The following LAMC1 variants were observed in gnomAD, a reference collection of about 807,000 sequenced individuals.
LAMC1 encodes laminin subunit gamma-1.
A neutral mutation model predicts 173.6 loss-of-function variants in LAMC1; 38 were observed. That is an observed-to-expected ratio of 0.22 (90% CI 0.17 to 0.29). LAMC1 has a LOEUF of 0.29. LAMC1 is among the 10% of genes least tolerant of loss of function. The probability of loss-of-function intolerance (pLI) is 1.00; values close to 1 mark genes in which losing one functional copy is unlikely to be tolerated. For synonymous variants in LAMC1, 746 were observed against 749.1 expected (o/e 1.00, Z 0.07); for missense variants, 1,824 against 2,051.8 (o/e 0.89, Z 2.14).
intron 1 of LAMC1, among the ~76,000 whole-genome samples, chr1:183,050,281 C>CTTTTTTT (rs892649686): frequency 8.7e-6 from 1 of 115,518 alleles, no homozygotes; most frequent in African/African-American, 3.4e-5. Context: ...TTCTCAGATT[C>CTTTTTTT]TTTTTTTTTT....
intron 26 of LAMC1, chr1:183,138,529 C>T (rs1407749716): frequency 6.6e-6 from 1 of 152,108 alleles, no homozygotes; most frequent in Non-Finnish European, 1.5e-5. Flanking sequence ...AAGAAGAGGC[C>T]GTCGTTCACT....
chr1:183,139,752 CT>C (rs1657053800), intron 26 of LAMC1, among the ~76,000 whole-genome samples: 1 of 152,184 alleles, frequency 6.6e-6, no homozygotes, highest in Non-Finnish European at 1.5e-5. Flanking sequence ...TTGCTGTTTC[CT>C]ATGACTCATG....
At chr1:183,050,256 A>ATGTT (rs1654380289) in intron 1 of LAMC1, among the ~76,000 whole-genome samples, 1 of 144,928 alleles carries the variant, frequency 6.9e-6, no homozygotes, top group Non-Finnish European at 1.5e-5. Context: ...CACTTTATCA[A>ATGTT]TGTTTCTGCT....
chr1:183,125,078 A>G, intron 14 of LAMC1: 2 of 627,534 alleles, frequency 3.2e-6, no homozygotes. Flanking sequence ...GTGGTCCTGT[A>G]AAAAGAAACA....
At position 183,103,325 on chromosome 1, in the gene LAMC1, C is replaced by T; in HGVS notation, c.419-3C>T. ...TATGACCTTTGATGTGTTTGTCCCA[C>T]AGGAAAAGCTTTTGACATCACCTAT... On this transcript the variant is annotated splice_region_variant and splice_polypyrimidine_tract_variant and intron_variant, in intron 1 of 27. Coordinates refer to ENST00000258341, the MANE Select transcript of LAMC1 (RefSeq NM_002293.4). 1 of 1,611,304 alleles carries T rather than the reference C, an allele frequency of 6.2e-7. No homozygotes were observed.
At chr1:183,130,578 G>A (rs1046467284) in intron 19 of LAMC1, 29 bp downstream of exon 19, 19 of 1,585,170 alleles carry the variant, frequency 1.2e-5, no homozygotes, top group Non-Finnish European at 1.6e-5. Context: ...CTGAGGTGGG[G>A]ATGGGGGAGG....
At chr1:183,061,221 C>G (rs1483516928) in intron 1 of LAMC1, among the ~76,000 whole-genome samples, 2 of 152,158 alleles carry the variant, frequency 1.3e-5, no homozygotes, top group Admixed American at 6.5e-5. Flanking sequence ...AGCCCCCATA[C>G]TCCCTTCAAA....
intron 1 of LAMC1, among the ~76,000 whole-genome samples, chr1:183,039,303 G>A (rs1654065543): frequency 6.6e-6 from 1 of 152,178 alleles, no homozygotes; most frequent in Non-Finnish European, 1.5e-5. Flanking sequence ...AAGAGCAATT[G>A]TGTACTTGAA....
At chr1:183,106,033 C>A (rs1413012734) in intron 2 of LAMC1, among the ~76,000 whole-genome samples, 1 of 152,182 alleles carries the variant, frequency 6.6e-6, no homozygotes, top group Non-Finnish European at 1.5e-5. Flanking sequence ...CTCACAGTAA[C>A]CCTGTAAGGT....
chr1:183,086,787 T>G (rs1218389135), intron 1 of LAMC1, among the ~76,000 whole-genome samples: 2 of 152,226 alleles, frequency 1.3e-5, no homozygotes, highest in East Asian at 3.8e-4. Flanking sequence ...AGTCTGAACT[T>G]GATTGGAAAT....
chr1:183,044,884 G>A (rs1169967032), intron 1 of LAMC1, among the ~76,000 whole-genome samples: 1 of 150,510 alleles, frequency 6.6e-6, no homozygotes, highest in African/African-American at 2.4e-5. Context: ...AAACGTTTCT[G>A]TTATATTAAT....
In LAMC1 at chr1:183,134,738, C is replaced by T; in HGVS notation, c.3928C>T (p.Leu1310Phe). The T allele has an allele frequency of 1.2e-6, 2 of 1,613,038 alleles. No homozygotes were observed. The highest frequency in any genetic ancestry group is 1.7e-6 in the Non-Finnish European group (2 of 1,179,104). ...IDQKLKDYED[L>F]REDMRGKELE... ...CCAGAAATTAAAAGATTATGAGGAC[C>T]TCAGAGAAGATATGAGAGGGAAGGA... The change falls in exon 23 of 28, where the codon CTC becomes TTC. Residue 1310 changes from leucine (L) to phenylalanine (F), a missense_variant. Leu to Phe is a conservative substitution (Grantham distance 22, BLOSUM62 0). Transcript: ENST00000258341.
At chr1:183,102,864 T>C (rs1655870210) in intron 1 of LAMC1, among the ~76,000 whole-genome samples, 1 of 152,188 alleles carries the variant, frequency 6.6e-6, no homozygotes, top group Non-Finnish European at 1.5e-5. Context: ...TGATATTCTT[T>C]CTGCGTCAAG....
chr1:183,098,561 T>G (rs1655752824), intron 1 of LAMC1, among the ~76,000 whole-genome samples: 1 of 152,212 alleles, frequency 6.6e-6, no homozygotes, highest in Admixed American at 6.5e-5. Context: ...CTTTGCCCAG[T>G]AAGCCTTCTT....
chr1:183,115,889 C>T (rs1051408802), intron 6 of LAMC1, among the ~76,000 whole-genome samples: 3 of 152,046 alleles, frequency 2.0e-5, no homozygotes, highest in Admixed American at 6.6e-5. Context: ...ACCTGTAATC[C>T]CAACACTTTG....
chr1:183,135,199 A>G (rs575831006), intron 24 of LAMC1, 43 bp downstream of exon 24: 9 of 1,191,524 alleles, frequency 7.6e-6, no homozygotes, highest in African/African-American at 7.1e-5. Flanking sequence ...TTCCGCCACT[A>G]GAGTGATTTT....
At chr1:183,100,498 C>A (rs1489348956) in intron 1 of LAMC1, among the ~76,000 whole-genome samples, 2 of 152,166 alleles carry the variant, frequency 1.3e-5, no homozygotes, top group African/African-American at 2.4e-5. Flanking sequence ...GATCACTCCT[C>A]TGTGTTCTCT....
At position 183,132,391 on chromosome 1, in the gene LAMC1, T is replaced by C; in HGVS notation, c.3567-9T>C. On this transcript the variant is annotated splice_polypyrimidine_tract_variant and intron_variant, in intron 20 of 27. Coordinates refer to ENST00000258341, the MANE Select transcript of LAMC1 (RefSeq NM_002293.4). ...GTTTCATGGCTTATTTTTTGTTTTA[T>C]CTGTATAGTCATAAACAGGAAGCTG... 1 of 1,605,846 alleles carries C rather than the reference T, an allele frequency of 6.2e-7. No homozygotes were observed. The highest frequency in any genetic ancestry group is 1.1e-5 in the South Asian group (1 of 89,282).
intron 1 of LAMC1, among the ~76,000 whole-genome samples, chr1:183,055,908 T>G (rs1193717788): frequency 6.6e-6 from 1 of 152,244 alleles, no homozygotes; most frequent in Non-Finnish European, 1.5e-5. Flanking sequence ...TTTCATGAGC[T>G]TAATAAAATT....
Sources: allele counts gnomAD v4.1 joint callset (sites outside exome capture counted in the v4.1 genomes callset), GRCh38; gene constraint gnomAD v4.1.1; transcripts MANE v1.5; gene names NCBI Gene and HGNC (gene_info 2026-07-23, HGNC 2026-07-21).